The following NSMCE1 variants were observed in gnomAD, a reference collection of about 807,000 sequenced individuals.
NSMCE1 encodes the protein non-structural maintenance of chromosomes element 1 homolog.
In NSMCE1, 18 loss-of-function variants were observed where a neutral mutation model predicts 29.6. The ratio of observed to expected loss-of-function variants is 0.61; its 90% confidence interval spans 0.42 to 0.90. The LOEUF (loss-of-function observed/expected upper bound fraction) is 0.90. Ranked by LOEUF, NSMCE1 falls within the 40% of genes least tolerant of loss-of-function variation. The pLI is 0.00. For missense variants in NSMCE1, 314 were observed against 343.6 expected (o/e 0.91, Z 0.68); for synonymous variants, 124 against 133.4 (o/e 0.93, Z 0.49).
chr16:27,262,903 C>CA (rs1482471644), intron 1 of NSMCE1, among the ~76,000 whole-genome samples: 1 of 151,846 alleles, frequency 6.6e-6, no homozygotes, highest in Non-Finnish European at 1.5e-5. Flanking sequence ...CAACATTTTT[C>CA]AAAAAGAAGA....
rs73527525 is a variant in NSMCE1, at chr16:27,265,271, G to A, written c.-12+3435C>T. ...CAGCCTTGACCTTGTGGGCTCAATC[G>A]ATCCTCTGACCTCAGAACCCCCTAG... On this transcript the variant is annotated intron_variant, in intron 1 of 7. Transcript: ENST00000361439. Among the ~76,000 whole-genome samples the A allele has an allele frequency of 4.0e-3, 567 of 141,886 alleles. 2 individuals are homozygous for A. The highest frequency in any genetic ancestry group is 0.014 in the African/African-American group (545 of 38,416). 93.1% of individuals were successfully genotyped at this position (141,886 alleles called of 152,430 possible).
intron 1 of NSMCE1, among the ~76,000 whole-genome samples, chr16:27,262,206 T>C (rs568633753): frequency 1.3e-5 from 2 of 148,808 alleles, no homozygotes; most frequent in African/African-American, 5.0e-5. Flanking sequence ...ATCACGCCAT[T>C]GCACTCCAGC....
intron 2 of NSMCE1, among the ~76,000 whole-genome samples, chr16:27,236,118 G>A (rs1265225977): frequency 2.6e-5 from 4 of 152,088 alleles, no homozygotes; most frequent in African/African-American, 9.7e-5. Context: ...TCTGAGGAGG[G>A]GGCACCCACA....
At chr16:27,242,819 T>C (rs956959484) in intron 2 of NSMCE1, among the ~76,000 whole-genome samples, 3 of 152,230 alleles carry the variant, frequency 2.0e-5, no homozygotes, top group African/African-American at 7.2e-5. Context: ...ACACCTTCTG[T>C]GGCGCTCTGG....
In NSMCE1 at chr16:27,257,553, C is replaced by T. The variant is rs1567283831; in HGVS notation, c.18G>A (p.Arg6=). The part of the protein sequence containing the change: MQGST[R]RMGVMTDVHR... ...GGACATCAGTCATGACGCCCATTCT[C>T]CTTGTGCTGCCCTGCATGTGGGAAC... is the stretch of plus-strand genomic sequence containing the variant. The change falls in exon 2 of 8, where the codon AGG becomes AGA. Residue 6 remains arginine, a synonymous_variant. Transcript: ENST00000361439. The T allele has an allele frequency of 4.3e-6, 7 of 1,613,162 alleles. No individual in the cohort carries two copies. The highest frequency in any genetic ancestry group is 1.1e-5 in the South Asian group (1 of 90,956).
intron 3 of NSMCE1, 21 bp from the exon 4 acceptor site, chr16:27,234,286 ACAGT>A (rs766705141): frequency 3.1e-5 from 48 of 1,548,792 alleles, no homozygotes; most frequent in Non-Finnish European, 4.2e-5. Context: ...AGTCAGCACG[ACAGT>A]CAGGCTGTGC....
intron 1 of NSMCE1, among the ~76,000 whole-genome samples, chr16:27,262,706 C>T (rs1017254763): frequency 2.0e-5 from 3 of 152,146 alleles, no homozygotes; most frequent in African/African-American, 7.2e-5. Flanking sequence ...GACAAAGACA[C>T]CAAAAGCAAT....
chr16:27,264,890 T>C (rs991635318), intron 1 of NSMCE1, among the ~76,000 whole-genome samples: 2 of 152,066 alleles, frequency 1.3e-5, no homozygotes, highest in Non-Finnish European at 2.9e-5. Flanking sequence ...ATACAAAAGA[T>C]TCATATTCAG....
At chr16:27,253,070 G>A (rs2084051743) in intron 2 of NSMCE1, among the ~76,000 whole-genome samples, 1 of 152,164 alleles carries the variant, frequency 6.6e-6, no homozygotes, top group Non-Finnish European at 1.5e-5. Flanking sequence ...AGCTGGCCCT[G>A]TGATCTCTCC....
intron 5 of NSMCE1, among the ~76,000 whole-genome samples, chr16:27,230,114 C>A (rs2083747273): frequency 6.6e-6 from 1 of 151,526 alleles, no homozygotes; most frequent in Non-Finnish European, 1.5e-5. Context: ...TCAGCAGACG[C>A]CCAGCTCCCA....
At chr16:27,235,800 C>T (rs866862252) in intron 2 of NSMCE1, among the ~76,000 whole-genome samples, 1 of 152,206 alleles carries the variant, frequency 6.6e-6, no homozygotes. Context: ...GGGTTATCCT[C>T]ACTTACATGC....
At chr16:27,238,618 G>A (rs2083854541) in intron 2 of NSMCE1, among the ~76,000 whole-genome samples, 1 of 151,750 alleles carries the variant, frequency 6.6e-6, no homozygotes, top group African/African-American at 2.4e-5. Flanking sequence ...ATGATATTCA[G>A]GGAACCAGAA....
chr16:27,235,260 T>G lies in NSMCE1; in HGVS notation c.176A>C (p.Asn59Thr). 1.9e-6 allele frequency: 3 copies of G among 1,613,622 alleles called. No homozygotes were observed. The highest frequency in any genetic ancestry group is 8.5e-7 in the Non-Finnish European group (1 of 1,179,666). The change falls in exon 3 of 8, where the codon AAC (asparagine) becomes ACC (threonine). Residue 59 changes from asparagine to threonine, a missense_variant. Physicochemically the swap from Asn to Thr is moderately conservative, Grantham distance 65 (BLOSUM62 0). Transcript: ENST00000361439. ...CAAGGACTCCAAGACACTGTTAATG[T>G]TGTTGATGAAGTCCTCCAACTTATC... ...TVDKLEDFIN[N>T]INSVLESLYI...
At chr16:27,243,561 C>A (rs1476662264) in intron 2 of NSMCE1, among the ~76,000 whole-genome samples, 3 of 152,184 alleles carry the variant, frequency 2.0e-5, no homozygotes, top group Non-Finnish European at 4.4e-5. Context: ...CAGGCCAGTC[C>A]CCTAGCAACC....
intron 2 of NSMCE1, among the ~76,000 whole-genome samples, chr16:27,248,781 C>A (rs1448936536): frequency 6.6e-6 from 1 of 151,862 alleles, no homozygotes; most frequent in African/African-American, 2.4e-5. Flanking sequence ...AACCGATTTG[C>A]AGTGTTCAAA....
intron 2 of NSMCE1, among the ~76,000 whole-genome samples, chr16:27,242,466 T>C (rs980040256): frequency 8.5e-5 from 13 of 152,322 alleles, no homozygotes; most frequent in African/African-American, 3.1e-4. Flanking sequence ...ACTTATTTCA[T>C]GTTACTGGGC....
chr16:27,254,499 A>G (rs72782377), intron 2 of NSMCE1, among the ~76,000 whole-genome samples: 3,003 of 152,358 alleles, frequency 0.02, 48 homozygotes, highest in South Asian at 0.036. Flanking sequence ...CCCCACCAAC[A>G]TGAAAGCTTA....
chr16:27,248,406 CTTT>C (rs756697569), intron 2 of NSMCE1, among the ~76,000 whole-genome samples: 9 of 84,764 alleles, frequency 1.1e-4, no homozygotes, highest in East Asian at 3.9e-4. Context: ...TTTTAGTTTG[CTTT>C]TTTTTTTTTT....
At chr16:27,225,369 C>T in intron 7 of NSMCE1, 133 bp from the exon 8 acceptor site, 1 of 651,098 alleles carries the variant, frequency 1.5e-6, no homozygotes, top group East Asian at 2.7e-5. Context: ...ACTGCTAACC[C>T]TCCCCAGCCC....
Sources: allele counts gnomAD v4.1 joint callset (sites outside exome capture counted in the v4.1 genomes callset), GRCh38; gene constraint gnomAD v4.1.1; transcripts MANE v1.5; gene names NCBI Gene and HGNC (gene_info 2026-07-23, HGNC 2026-07-21).